KANK1: variants seen among roughly 807,000 people sequenced by gnomAD.
KANK1 encodes KN motif and ankyrin repeat domain-containing protein 1.
A neutral mutation model predicts 106.2 loss-of-function variants in KANK1; 109 were observed. The ratio of observed to expected loss-of-function variants is 1.03; its 90% CI spans 0.88 to 1.20. The LOEUF is 1.20. KANK1 is among the 50% of genes most tolerant of loss of function. The pLI is 0.00. For synonymous variants in KANK1, 873 were observed against 652.2 expected (o/e 1.34, Z -5.16); for missense variants, 2,399 against 1,710.7 (o/e 1.40, Z -7.10).
At chr9:636,258 C>G (rs1158239268) in intron 1 of KANK1, among the ~76,000 whole-genome samples, 1 of 152,150 alleles carries the variant, frequency 6.6e-6, no homozygotes, top group East Asian at 1.9e-4. Flanking sequence ...CAGAACTCTC[C>G]TGGCTGAGAA....
chr9:492,645 A>G (rs1006824261), intron 3 of KANK1, among the ~76,000 whole-genome samples: 2 of 152,370 alleles, frequency 1.3e-5, no homozygotes, highest in East Asian at 1.9e-4. Context: ...TTAAGATTAA[A>G]TATATTGAAA....
intron 1 of KANK1, among the ~76,000 whole-genome samples, chr9:557,162 G>C (rs573728728): frequency 1.4e-5 from 2 of 142,540 alleles, no homozygotes; most frequent in East Asian, 4.1e-4. Flanking sequence ...CAGCCTGTGT[G>C]ACAGAGCAAG....
intron 3 of KANK1, among the ~76,000 whole-genome samples, chr9:489,728 G>A (rs1455032924): frequency 6.6e-6 from 1 of 152,142 alleles, no homozygotes; most frequent in Non-Finnish European, 1.5e-5. Context: ...ATAAAGCTTA[G>A]CTATTATTAC....
intron 1 of KANK1, among the ~76,000 whole-genome samples, chr9:522,678 C>T (rs932734505): frequency 3.3e-5 from 5 of 151,706 alleles, no homozygotes; most frequent in Admixed American, 1.3e-4. Context: ...GGACTTCATG[C>T]TGACTTTTGG....
chr9:517,919 G>A (rs935305917), intron 1 of KANK1, among the ~76,000 whole-genome samples: 2 of 151,248 alleles, frequency 1.3e-5, no homozygotes, highest in South Asian at 4.2e-4. Context: ...TGTATTTTTA[G>A]TAGAGATGGA....
At chr9:602,804 C>CT (rs1477134000) in intron 1 of KANK1, among the ~76,000 whole-genome samples, 1 of 151,830 alleles carries the variant, frequency 6.6e-6, no homozygotes, top group Non-Finnish European at 1.5e-5. Flanking sequence ...TTTGACTGCG[C>CT]TTTTAGTTCT....
chr9:737,086 G>A (rs985701053), intron 7 of KANK1, among the ~76,000 whole-genome samples: 13 of 152,154 alleles, frequency 8.5e-5, no homozygotes, highest in Admixed American at 8.5e-4. Context: ...TAGTGGACGA[G>A]TAAACACAAT....
chr9:521,681 C>A (rs968054966), intron 1 of KANK1, among the ~76,000 whole-genome samples: 3 of 150,660 alleles, frequency 2.0e-5, no homozygotes, highest in African/African-American at 7.4e-5. Flanking sequence ...ATTCTCCTGC[C>A]TCAGCCTCCC....
chr9:494,143 A>G (rs963578404), intron 3 of KANK1, among the ~76,000 whole-genome samples: 6 of 152,070 alleles, frequency 3.9e-5, no homozygotes, highest in Admixed American at 3.9e-4. Context: ...GACCTCCCAA[A>G]GTGCTGGGAT....
At chr9:506,495 T>C (rs146464633) in intron 1 of KANK1, among the ~76,000 whole-genome samples, 3 of 151,776 alleles carry the variant, frequency 2.0e-5, no homozygotes, top group Non-Finnish European at 4.4e-5. Flanking sequence ...ATCACTCTAG[T>C]CGAGGTTCTG....
intron 8 of KANK1, among the ~76,000 whole-genome samples, chr9:738,777 G>A (rs1333511856): frequency 1.3e-5 from 2 of 152,226 alleles, no homozygotes; most frequent in Non-Finnish European, 2.9e-5. Flanking sequence ...AGTGAGAGGT[G>A]TATGCCTGGT....
At chr9:701,204 C>T (rs1476207261) in intron 2 of KANK1, among the ~76,000 whole-genome samples, 3 of 152,148 alleles carry the variant, frequency 2.0e-5, no homozygotes, top group East Asian at 3.9e-4. Flanking sequence ...ACCTCTGCCT[C>T]ACAGGTTCAA....
chr9:551,456 C>T (rs1479444746), intron 1 of KANK1, among the ~76,000 whole-genome samples: 1 of 152,210 alleles, frequency 6.6e-6, no homozygotes, highest in Middle Eastern at 3.4e-3. Context: ...CCTTTGGAAA[C>T]CAGGAAGATG....
At chr9:479,924 G>A (rs546272240) in intron 3 of KANK1, among the ~76,000 whole-genome samples, 1 of 152,160 alleles carries the variant, frequency 6.6e-6, no homozygotes, top group Non-Finnish European at 1.5e-5. Flanking sequence ...TATATGCCCA[G>A]TTCTCCAGAT....
intron 2 of KANK1, among the ~76,000 whole-genome samples, chr9:699,496 C>T (rs1822133497): frequency 6.6e-6 from 1 of 152,084 alleles, no homozygotes; most frequent in African/African-American, 2.4e-5. Context: ...GAGTAGTGTG[C>T]AGGTTAATGT....
intron 1 of KANK1, among the ~76,000 whole-genome samples, chr9:572,553 A>C (rs2134907562): frequency 6.6e-6 from 1 of 150,878 alleles, no homozygotes; most frequent in Middle Eastern, 3.4e-3. Context: ...CTCCATCTCA[A>C]AAAAAAAAAA....
chr9:529,223 A>T (rs1428754261), intron 1 of KANK1, among the ~76,000 whole-genome samples: 17 of 139,572 alleles, frequency 1.2e-4, no homozygotes, highest in African/African-American at 4.7e-4. Flanking sequence ...CTCTGTTAAT[A>T]TATATATATA....
intron 1 of KANK1, among the ~76,000 whole-genome samples, chr9:652,022 A>G (rs950656002): frequency 2.6e-5 from 4 of 152,294 alleles, no homozygotes; most frequent in Admixed American, 6.5e-5. Context: ...TAGCCCTGCT[A>G]TAACATTTTG....
chr9:487,668 G>A (rs560446982), intron 3 of KANK1: 56 of 152,302 alleles, frequency 3.7e-4, no homozygotes, highest in African/African-American at 1.3e-3. Context: ...GGGCACTAGA[G>A]GTAATTGAGA....
Sources: gnomAD v4.1 joint callset for allele counts (sites outside exome capture counted in the v4.1 genomes callset) on GRCh38, gnomAD v4.1.1 for gene constraint, MANE v1.5 for transcripts, NCBI Gene and HGNC (gene_info 2026-07-23, HGNC 2026-07-21) for gene names.